The following MVB12A variants were observed in gnomAD, a reference collection of about 807,000 sequenced individuals.
MVB12A encodes multivesicular body subunit 12A.
MVB12A carries 30 observed loss-of-function variants against 34.3 expected under a neutral mutation model. That is an observed-to-expected ratio of 0.88 (90% CI 0.65 to 1.19). MVB12A has a LOEUF of 1.19. Among genes scored for constraint, MVB12A ranks in the 50% most tolerant of loss-of-function variants. The pLI is 0.00. For synonymous variants in MVB12A, 158 were observed against 158.9 expected (o/e 0.99, Z 0.04); for missense variants, 355 against 369.2 (o/e 0.96, Z 0.31).
upstream of MVB12A, chr19:17,419,896 T>C (rs1599605856): frequency 5.3e-6 from 2 of 380,708 alleles, no homozygotes; most frequent in East Asian, 3.9e-5. Flanking sequence ...GACCTTTTTT[T>C]CCGCCATCAT....
At chr19:17,412,428 G>T (rs562997201) in intron 2 of MVB12A, among the ~76,000 whole-genome samples, 2 of 152,012 alleles carry the variant, frequency 1.3e-5, no homozygotes. Context: ...CACCACGCCC[G>T]GCTAATTTTT....
At chr19:17,408,763 T>C (rs531385209) in intron 2 of MVB12A, among the ~76,000 whole-genome samples, 41 of 150,690 alleles carry the variant, frequency 2.7e-4, no homozygotes, top group South Asian at 1.5e-3. Context: ...TTATTTTATA[T>C]TTTTAAATAT....
In MVB12A at chr19:17,425,078, ACCCCCACTCACTGCATCCTG is replaced by A. The variant is rs2074863497; in HGVS notation, c.*86_*105del. ...CCCCCCCTCACTGCATCCTGGGGCC[ACCCCCACTCACTGCATCCTG>A]GGAACCTTCGCCCTGCAAGGCGTTT... On this transcript the variant is annotated 3_prime_UTR_variant, in exon 9 of 9. Transcript: ENST00000317040. 4.9e-5 allele frequency: 23 copies of A among 465,946 alleles called. No homozygotes were observed. The highest frequency in any genetic ancestry group is 7.5e-5 in the Non-Finnish European group (22 of 293,976). 28.9% of individuals were successfully genotyped at this position (465,946 alleles called of 1,614,324 possible). A position where few individuals can be genotyped will look rare whatever the true frequency, so the allele number is the denominator to read the frequency against.
At chr19:17,422,064 C>G in intron 3 of MVB12A, 1 of 331,006 alleles carries the variant, frequency 3.0e-6, no homozygotes, top group Non-Finnish European at 5.5e-6. Context: ...GGGCACCCAG[C>G]TCTGTCCGAT....
At chr19:17,423,908 G>A in intron 6 of MVB12A, 98 bp from the exon 7 acceptor site, 12 of 1,572,634 alleles carry the variant, frequency 7.6e-6, no homozygotes, top group Non-Finnish European at 1.0e-5. Flanking sequence ...TCTGGATTCT[G>A]TAAAGACTGA....
Position 17,420,625 on chromosome 19 carries a change from A to G in MVB12A, c.277A>G (p.Met93Val). Residue 93 changes from methionine (M) to valine (V), a missense_variant, in exon 3 of 9, where the codon ATG becomes GTG. Transcript: ENST00000317040. Reference protein sequence around the residue: ...PLGFSPVCDPMDSKASVSKKK... With the variant: ...PLGFSPVCDPVDSKASVSKKK... ...GGGCTTCTCCCCCGTCTGCGACCCC[A>G]TGGATTCCAGTAAGGGCTGCTTCGG... 2.5e-6 allele frequency: 4 copies of G among 1,609,284 alleles called. No homozygotes were observed. The highest frequency in any genetic ancestry group is 1.3e-5 in the African/African-American group (1 of 74,836).
chr19:17,410,788 G>C, intron 2 of MVB12A, among the ~76,000 whole-genome samples: 1 of 144,932 alleles, frequency 6.9e-6, no homozygotes, highest in Non-Finnish European at 1.5e-5. Context: ...AACTAGCCAG[G>C]CGTAGTGGCA....
chr19:17,425,052 AC>A lies in MVB12A; in HGVS notation c.*66del, dbSNP rs200920197. 2.2e-3 allele frequency: 1,811 copies of A among 804,892 alleles called. 19 individuals are homozygous for A. The African/African-American group carries it at 0.03, about 14-fold the overall frequency. 49.9% of individuals were successfully genotyped at this position (804,892 alleles called of 1,614,324 possible). A position where few individuals can be genotyped will look rare whatever the true frequency, so the allele number is the denominator to read the frequency against. ...TCCACCTCCCCGCCAGCCTGGGGCCACCCCCCCTCACTGCATCCTGGGGCCA... is the reference window on the plus strand; with the variant it reads ...TCCACCTCCCCGCCAGCCTGGGGCCACCCCCCTCACTGCATCCTGGGGCCA... On this transcript the variant is annotated 3_prime_UTR_variant, in exon 9 of 9. Coordinates refer to ENST00000317040, the MANE Select transcript of MVB12A (RefSeq NM_138401.4).
At chr19:17,423,364 A>C in intron 4 of MVB12A, 134 bp from the exon 5 acceptor site, 28 of 1,014,458 alleles carry the variant, frequency 2.8e-5, no homozygotes, top group African/African-American at 2.0e-4. Flanking sequence ...CGTCCCCAAA[A>C]AAAAAAAAAA....
At chr19:17,408,127 A>C (rs2074740831) in intron 2 of MVB12A, among the ~76,000 whole-genome samples, 1 of 152,192 alleles carries the variant, frequency 6.6e-6, no homozygotes, top group Non-Finnish European at 1.5e-5. Flanking sequence ...GATTAATGAT[A>C]TTCATATATC....
At position 17,422,372 on chromosome 19, in the gene MVB12A, G is replaced by C; in HGVS notation, c.327G>C (p.Leu109=). The C allele has an allele frequency of 6.2e-7, 1 of 1,613,550 alleles. No homozygotes were observed. Residue 109 remains leucine, a synonymous_variant, in exon 4 of 9, where the codon CTG becomes CTC. Transcript: ENST00000317040. ...VSKKKRMCVK[L]LPLGATDTAV... is the part of the protein sequence containing the mutation. ...AGAAGAAACGCATGTGTGTGAAGCTGTTGCCCCTGGGAGCCACGGACACGG... is the reference window on the plus strand; with the variant it reads ...AGAAGAAACGCATGTGTGTGAAGCTCTTGCCCCTGGGAGCCACGGACACGG...
intron 7 of MVB12A, 22 bp downstream of exon 7, chr19:17,424,089 C>G: frequency 6.2e-7 from 1 of 1,612,040 alleles, no homozygotes; most frequent in Non-Finnish European, 8.5e-7. Flanking sequence ...TCTCAGGGAG[C>G]CTGGGTCTGC....
chr19:17,416,654 A>G (rs951251903), upstream of MVB12A, among the ~76,000 whole-genome samples: 3 of 147,492 alleles, frequency 2.0e-5, no homozygotes, highest in Non-Finnish European at 4.5e-5. Context: ...CCTGACCTCA[A>G]GTGATCCGTC....
upstream of MVB12A, among the ~76,000 whole-genome samples, chr19:17,416,121 C>T (rs756483690): frequency 1.3e-5 from 2 of 152,144 alleles, no homozygotes; most frequent in African/African-American, 2.4e-5. Flanking sequence ...CTTGCTCTGT[C>T]GCCCAGGCTG....
At chr19:17,411,576 T>G (rs2074769678) in intron 2 of MVB12A, among the ~76,000 whole-genome samples, 1 of 152,054 alleles carries the variant, frequency 6.6e-6, no homozygotes, top group Non-Finnish European at 1.5e-5. Flanking sequence ...CAGGCTTTTC[T>G]CAAACTCCTG....
intron 4 of MVB12A, 96 bp from the exon 5 acceptor site, chr19:17,423,402 A>C (rs980081036): frequency 1.9e-4 from 264 of 1,370,130 alleles, no homozygotes; most frequent in Non-Finnish European, 2.4e-4. Flanking sequence ...GACAGAGGTC[A>C]CCTGCATGCC....
intron 3 of MVB12A, 47 bp downstream of exon 3, chr19:17,420,681 A>T: frequency 7.1e-7 from 1 of 1,417,352 alleles, no homozygotes; most frequent in Non-Finnish European, 1.0e-6. Context: ...CCTTGCAGGG[A>T]GGAGCGGGGG....
upstream of MVB12A, chr19:17,420,012 T>C (rs878882623): frequency 1.4e-4 from 42 of 297,672 alleles, no homozygotes; most frequent in African/African-American, 2.0e-3. Context: ...CCGGGCAATC[T>C]CCGCCCCCCC....
At chr19:17,423,350 A>G (rs1371478895) in intron 4 of MVB12A, 148 bp from the exon 5 acceptor site, 1 of 1,057,158 alleles carries the variant, frequency 9.5e-7, no homozygotes, top group East Asian at 2.5e-5. Flanking sequence ...CATGAGCGAA[A>G]CTCCGTCCCC....
Sources: gnomAD v4.1 joint callset for allele counts (sites outside exome capture counted in the v4.1 genomes callset) on GRCh38, gnomAD v4.1.1 for gene constraint, MANE v1.5 for transcripts, NCBI Gene and HGNC (gene_info 2026-07-23, HGNC 2026-07-21) for gene names.